The following MCC variants were observed in gnomAD, a reference collection of about 807,000 sequenced individuals.
MCC encodes colorectal mutant cancer protein.
Under a neutral mutation model 116.2 loss-of-function variants are expected in MCC, and 90 were observed. That is an observed-to-expected ratio of 0.77 (90% CI 0.65 to 0.92). The LOEUF is 0.92. MCC is among the 40% of genes least tolerant of loss of function. MCC has a pLI of 0.00. For missense variants in MCC, 1,516 were observed against 1,312.2 expected, an observed-to-expected ratio of 1.16 and a Z score of -2.40; for synonymous variants, 578 against 510.5, an observed-to-expected ratio of 1.13 and a Z score of -1.78.
At chr5:113,263,971 A>G (rs1765314201) in intron 3 of MCC, among the ~76,000 whole-genome samples, 2 of 152,188 alleles carry the variant, frequency 1.3e-5, no homozygotes, top group South Asian at 4.1e-4. Flanking sequence ...TTGGAAACCA[A>G]ACCACCTGAT....
chr5:113,413,024 A>G (rs1447782356), intron 1 of MCC, among the ~76,000 whole-genome samples: 1 of 152,164 alleles, frequency 6.6e-6, no homozygotes, highest in Non-Finnish European at 1.5e-5. Context: ...ATCTATTGAG[A>G]TAAGCATGTG....
At chr5:113,191,782 G>A (rs1232969774) in intron 3 of MCC, among the ~76,000 whole-genome samples, 14 of 152,314 alleles carry the variant, frequency 9.2e-5, no homozygotes, top group Middle Eastern at 3.4e-3. Flanking sequence ...GCAGCCCCCA[G>A]TGGGCCACCA....
intron 1 of MCC, among the ~76,000 whole-genome samples, chr5:113,397,525 T>G (rs1184179864): frequency 6.6e-6 from 1 of 152,200 alleles, no homozygotes; most frequent in Non-Finnish European, 1.5e-5. Flanking sequence ...ATTTATATTA[T>G]AAAGATTATT....
chr5:113,087,459 C>A (rs1314618317), intron 8 of MCC, among the ~76,000 whole-genome samples: 1 of 152,178 alleles, frequency 6.6e-6, no homozygotes, highest in African/African-American at 2.4e-5. Context: ...GATTACAGGA[C>A]TCGTTCTGAA....
chr5:113,098,788 GA>G (rs1414665672), intron 8 of MCC, among the ~76,000 whole-genome samples: 1 of 152,144 alleles, frequency 6.6e-6, no homozygotes, highest in Non-Finnish European at 1.5e-5. Context: ...TCTATACAAT[GA>G]ATGTGGGCAA....
rs1765826270 is a variant in MCC at position 113,276,392 on chromosome 5, T to G, written c.627+64127A>C. Among the ~76,000 whole-genome samples the G allele has an allele frequency of 2.0e-5, 3 of 152,188 alleles. No individual in the cohort carries two copies. In the South Asian group the frequency reaches 6.2e-4, roughly 32 times the overall value. ...TGGGGCATCAAGGTACCCTTGTTTT[T>G]TCTTCTTTAACGTCAGACACCAATT... On this transcript the variant is annotated intron_variant, in intron 3 of 18. Coordinates refer to ENST00000408903, the MANE Select transcript of MCC (RefSeq NM_001085377.2).
intron 16 of MCC, 49 bp downstream of exon 16, chr5:113,049,044 C>A (rs762695446): frequency 6.3e-7 from 1 of 1,577,592 alleles, no homozygotes; most frequent in Non-Finnish European, 8.7e-7. Flanking sequence ...TGGGCAGTCA[C>A]TGGGCAGTCA....
intron 3 of MCC, among the ~76,000 whole-genome samples, chr5:113,281,522 G>T (rs1766046510): frequency 6.6e-6 from 1 of 152,128 alleles, no homozygotes; most frequent in African/African-American, 2.4e-5. Flanking sequence ...GTCATCCAAA[G>T]GTTACTGGGC....
intron 1 of MCC, chr5:113,436,798 GAC>G (rs1478001826): frequency 1.3e-5 from 2 of 152,146 alleles, no homozygotes; most frequent in East Asian, 3.8e-4. Flanking sequence ...TTACCCCAGA[GAC>G]AGTCCCTTCT....
chr5:113,412,901 G>C (rs1168465639), intron 1 of MCC, among the ~76,000 whole-genome samples: 1 of 152,208 alleles, frequency 6.6e-6, no homozygotes, highest in African/African-American at 2.4e-5. Flanking sequence ...GATATTGGCT[G>C]TGGGTTTGTC....
chr5:113,148,830 C>T (rs1269576381), intron 4 of MCC, among the ~76,000 whole-genome samples: 1 of 151,786 alleles, frequency 6.6e-6, no homozygotes, highest in East Asian at 1.9e-4. Context: ...CATAAGAATG[C>T]AAATAAGAGA....
At position 113,289,009 on chromosome 5, in the gene MCC, A is replaced by G. The variant is rs538927089; in HGVS notation, c.627+51510T>C. On this transcript the variant is annotated intron_variant, in intron 3 of 18. Coordinates refer to ENST00000408903, the MANE Select transcript of MCC (RefSeq NM_001085377.2). ...AAAGCAAAACAAAACAAAAAACTAA[A>G]AACCATTGCCAGGCATTGGGAATTA... is the stretch of plus-strand genomic sequence containing the variant. Among the ~76,000 whole-genome samples, 21 of 152,234 alleles carry G rather than the reference A, an allele frequency of 1.4e-4. No homozygotes were observed. In the South Asian group the frequency reaches 4.2e-3, roughly 30 times the overall value.
chr5:113,244,553 TACA>T (rs1764499860), intron 3 of MCC, among the ~76,000 whole-genome samples: 2 of 152,238 alleles, frequency 1.3e-5, no homozygotes, highest in Non-Finnish European at 2.9e-5. Context: ...CATTTCTAAA[TACA>T]ACATTTGGTT....
At chr5:113,091,910 AACAC>A (rs140237354) in intron 8 of MCC, among the ~76,000 whole-genome samples, 12 of 147,106 alleles carry the variant, frequency 8.2e-5, no homozygotes, top group Non-Finnish European at 1.5e-4. Flanking sequence ...ACACCACACA[AACAC>A]ACACACACAC....
At chr5:113,378,206 G>A (rs1457819830) in intron 2 of MCC, among the ~76,000 whole-genome samples, 1 of 151,996 alleles carries the variant, frequency 6.6e-6, no homozygotes, top group African/African-American at 2.4e-5. Context: ...TCCTCCCTTG[G>A]GCTTGTGGGT....
intron 6 of MCC, among the ~76,000 whole-genome samples, chr5:113,108,331 TAAAAAAAAAAAAAA>T (rs56780207): frequency 4.7e-5 from 2 of 42,726 alleles, no homozygotes; most frequent in East Asian, 1.0e-3. Flanking sequence ...CACTCTATCT[TAAAAAAAAAAAAAA>T]AAAAAAAAAA....
chr5:113,228,954 G>C (rs981568938), intron 3 of MCC, among the ~76,000 whole-genome samples: 1 of 152,218 alleles, frequency 6.6e-6, no homozygotes, highest in African/African-American at 2.4e-5. Context: ...ATATGGGAAA[G>C]AATGTGGAGT....
intron 4 of MCC, among the ~76,000 whole-genome samples, chr5:113,145,737 TACACACACACACACACACACAC>T (rs558608537): frequency 0.021 from 2,553 of 123,434 alleles, 78 homozygotes; most frequent in African/African-American, 0.067. Context: ...TAAACTTGCT[TACACACACACACACACACACAC>T]ACACACACAC....
chr5:113,040,654 G>C lies in MCC; in HGVS notation c.2756+2876C>G, dbSNP rs557490078. ...ATACAAACCCAAACTGCAGCCCTGA[G>C]GTGTGTATATTGTATCCCCTCATGA... On this transcript the variant is annotated intron_variant, in intron 17 of 18. Coordinates refer to ENST00000408903, the MANE Select transcript of MCC (RefSeq NM_001085377.2). 2.0e-5 allele frequency among the ~76,000 whole-genome samples: 3 copies of C among 152,232 alleles called. No homozygotes were observed. In the South Asian group the frequency reaches 6.2e-4, roughly 32 times the overall value.
Sources: gnomAD v4.1 joint callset for allele counts (sites outside exome capture counted in the v4.1 genomes callset) on GRCh38, gnomAD v4.1.1 for gene constraint, MANE v1.5 for transcripts, NCBI Gene and HGNC (gene_info 2026-07-23, HGNC 2026-07-21) for gene names.